SPECC1: variants seen among roughly 807,000 people sequenced by gnomAD.
SPECC1 encodes the protein cytospin-B.
SPECC1 carries 62 observed loss-of-function variants against 104.1 expected under a neutral mutation model. The ratio of observed to expected loss-of-function variants is 0.60; its 90% CI spans 0.49 to 0.74. SPECC1 has a LOEUF of 0.74. Among genes scored for constraint, SPECC1 ranks in the 30% least tolerant of loss-of-function variants. SPECC1 has a pLI of 0.00. For missense variants in SPECC1, 1,306 were observed against 1,310.5 expected (o/e 1.00, Z 0.05); for synonymous variants, 513 against 501.6 (o/e 1.02, Z -0.30).
In SPECC1 at chr17:20,110,534, C is replaced by T. The variant is rs1458892083; in HGVS notation, c.255C>T (p.Leu85=). The change falls in exon 3 of 15, where the codon CTC becomes CTT. Residue 85 remains leucine, a synonymous_variant. Transcript: ENST00000395527. The part of the protein sequence containing the change: ...KTATAGAISE[L]TESRLRSGTG... ...CCACTGCCGGAGCCATCTCGGAGCT[C>T]ACGGAGAGCCGCCTGAGGAGCGGCA... is the stretch of plus-strand genomic sequence containing the variant. The T allele has an allele frequency of 6.2e-7, 1 of 1,613,750 alleles. No homozygotes were observed. The highest frequency in any genetic ancestry group is 8.5e-7 in the Non-Finnish European group (1 of 1,179,938).
In SPECC1 at chr17:20,247,331, C is replaced by T. The variant is rs376100510; in HGVS notation, c.2598+12C>T. 2.5e-6 allele frequency: 4 copies of T among 1,584,986 alleles called. No homozygotes were observed. In the South Asian group the frequency reaches 3.3e-5, roughly 13 times the overall value. Reference sequence around the variant, plus strand: ...TCTCTCCAATGCAGGTAGATGAGCCCCAGAAATAACCACTGCTTATGGTTT... The same window carrying T: ...TCTCTCCAATGCAGGTAGATGAGCCTCAGAAATAACCACTGCTTATGGTTT... On this transcript the variant is annotated intron_variant, in intron 9 of 14. Transcript: ENST00000395527.
intron 4 of SPECC1, among the ~76,000 whole-genome samples, chr17:20,220,568 T>G (rs868418554): frequency 0.016 from 2,416 of 151,430 alleles, 49 homozygotes; most frequent in African/African-American, 0.054. Flanking sequence ...GTTTTTTTTT[T>G]TTTTTTTTTT....
At chr17:20,165,915 A>G in intron 3 of SPECC1, among the ~76,000 whole-genome samples, 1 of 151,638 alleles carries the variant, frequency 6.6e-6, no homozygotes, top group Admixed American at 6.6e-5. Context: ...AAATTTGTTT[A>G]AGTTCCTTGT....
chr17:20,191,904 G>A (rs760875704), intron 3 of SPECC1, among the ~76,000 whole-genome samples: 7 of 152,012 alleles, frequency 4.6e-5, no homozygotes, highest in Non-Finnish European at 8.8e-5. Flanking sequence ...GTCTATTCAG[G>A]TGTTTTTCCA....
At chr17:20,251,560 G>A (rs2151562371) in intron 9 of SPECC1, among the ~76,000 whole-genome samples, 1 of 152,296 alleles carries the variant, frequency 6.6e-6, no homozygotes, top group South Asian at 2.1e-4. Context: ...ACATGGAATT[G>A]TGTTTAATAT....
intron 9 of SPECC1, among the ~76,000 whole-genome samples, chr17:20,252,899 G>A (rs928528881): frequency 2.6e-5 from 4 of 152,098 alleles, no homozygotes; most frequent in African/African-American, 9.7e-5. Context: ...TGGTGTTGCT[G>A]GATCATTTGG....
intron 3 of SPECC1, among the ~76,000 whole-genome samples, chr17:20,184,727 T>C (rs1307640993): frequency 6.6e-6 from 1 of 152,240 alleles, no homozygotes; most frequent in African/African-American, 2.4e-5. Context: ...GAGTTCTATA[T>C]AAGAGAGGGC....
intron 1 of SPECC1, among the ~76,000 whole-genome samples, chr17:20,071,211 A>G (rs558057694): frequency 6.6e-6 from 1 of 152,204 alleles, no homozygotes; most frequent in African/African-American, 2.4e-5. Context: ...AAAACAATCC[A>G]TTCTTTATCC....
intron 1 of SPECC1, among the ~76,000 whole-genome samples, chr17:20,018,292 A>G (rs145781707): frequency 6.5e-4 from 99 of 152,320 alleles, no homozygotes; most frequent in Middle Eastern, 6.8e-3. Context: ...TTAGTTGGCC[A>G]TCGGCACTCT....
At chr17:20,097,844 G>T (rs553807923) in intron 2 of SPECC1, among the ~76,000 whole-genome samples, 1 of 152,282 alleles carries the variant, frequency 6.6e-6, no homozygotes, top group Admixed American at 6.5e-5. Context: ...GTGGGTCGTG[G>T]AGCAGTTCTT....
At chr17:20,247,854 A>C (rs530516715) in intron 9 of SPECC1, among the ~76,000 whole-genome samples, 13 of 152,346 alleles carry the variant, frequency 8.5e-5, no homozygotes, top group Middle Eastern at 3.4e-3. Context: ...GACTGTAGTT[A>C]AGCAGAAAGG....
intron 1 of SPECC1, among the ~76,000 whole-genome samples, chr17:20,093,474 G>A (rs144560651): frequency 6.6e-6 from 1 of 152,168 alleles, no homozygotes; most frequent in Non-Finnish European, 1.5e-5. Context: ...GCTTTGCCAG[G>A]CTCAGAATGA....
chr17:20,165,254 G>A (rs1437640132), intron 3 of SPECC1, among the ~76,000 whole-genome samples: 4 of 151,684 alleles, frequency 2.6e-5, no homozygotes, highest in East Asian at 1.9e-4. Flanking sequence ...CCCCTGTGCC[G>A]TTTCCATGTG....
intron 3 of SPECC1, among the ~76,000 whole-genome samples, chr17:20,162,825 C>T (rs532127837): frequency 1.3e-5 from 2 of 152,262 alleles, no homozygotes; most frequent in East Asian, 3.9e-4. Flanking sequence ...GTTGGGAGTT[C>T]GAGACCAGCC....
chr17:20,236,051 A>G (rs1016011583), intron 7 of SPECC1, among the ~76,000 whole-genome samples: 1 of 152,110 alleles, frequency 6.6e-6, no homozygotes, highest in Admixed American at 6.5e-5. Context: ...TCCAGCTACC[A>G]TGGAGAGGGG....
At chr17:20,020,710 T>C (rs764991268) in intron 1 of SPECC1, among the ~76,000 whole-genome samples, 6 of 152,236 alleles carry the variant, frequency 3.9e-5, no homozygotes, top group Non-Finnish European at 8.8e-5. Context: ...TTATCATCAC[T>C]GGCCCATGCA....
intron 1 of SPECC1, among the ~76,000 whole-genome samples, chr17:20,072,716 C>T (rs1178032471): frequency 6.6e-6 from 1 of 152,210 alleles, no homozygotes; most frequent in Admixed American, 6.5e-5. Flanking sequence ...AAACCCATGC[C>T]ACCTGCTATA....
chr17:20,151,636 C>T (rs2032014884), intron 3 of SPECC1, among the ~76,000 whole-genome samples: 2 of 152,212 alleles, frequency 1.3e-5, no homozygotes, highest in Non-Finnish European at 2.9e-5. Context: ...CTTGATTCCA[C>T]TGGACTCTTT....
intron 4 of SPECC1, among the ~76,000 whole-genome samples, chr17:20,221,557 G>A (rs2037876160): frequency 6.6e-6 from 1 of 151,742 alleles, no homozygotes; most frequent in Non-Finnish European, 1.5e-5. Context: ...CTTTTTCATA[G>A]TCTGGCCAAA....
Sources: allele counts gnomAD v4.1 joint callset (sites outside exome capture counted in the v4.1 genomes callset), GRCh38; gene constraint gnomAD v4.1.1; transcripts MANE v1.5; gene names NCBI Gene and HGNC (gene_info 2026-07-23, HGNC 2026-07-21).